ADGRB3: variants seen among roughly 807,000 people sequenced by gnomAD.
ADGRB3 encodes the protein brain-specific angiogenesis inhibitor 3.
A neutral mutation model predicts 193.4 loss-of-function variants in ADGRB3; 37 were observed. The ratio of observed to expected loss-of-function variants is 0.19; its 90% CI spans 0.15 to 0.25. ADGRB3 has a LOEUF of 0.25. Ranked by LOEUF, ADGRB3 falls within the 10% of genes least tolerant of loss-of-function variation. ADGRB3 has a pLI of 1.00. For synonymous variants in ADGRB3, 690 were observed against 644.2 expected (o/e 1.07, Z -1.08); for missense variants, 1,637 against 1,852.9 (o/e 0.88, Z 2.14).
intron 17 of ADGRB3, among the ~76,000 whole-genome samples, chr6:69,196,202 T>C (rs770011360): frequency 6.6e-6 from 1 of 152,154 alleles, no homozygotes; most frequent in Admixed American, 6.6e-5. Context: ...CATAAAGTCA[T>C]ATATTTTTAC....
intron 6 of ADGRB3, among the ~76,000 whole-genome samples, chr6:68,948,082 A>G (rs1402624585): frequency 6.6e-6 from 1 of 152,150 alleles, no homozygotes; most frequent in African/African-American, 2.4e-5. Flanking sequence ...CTATGGTTGG[A>G]TAATAAACCT....
intron 3 of ADGRB3, among the ~76,000 whole-genome samples, chr6:68,749,719 A>G (rs1337023899): frequency 6.6e-6 from 1 of 152,140 alleles, no homozygotes; most frequent in Non-Finnish European, 1.5e-5. Flanking sequence ...GTTGCAGGAT[A>G]CACTTAAAAA....
intron 17 of ADGRB3, among the ~76,000 whole-genome samples, chr6:69,134,502 C>A (rs1741007300): frequency 6.6e-6 from 1 of 152,044 alleles, no homozygotes; most frequent in South Asian, 2.1e-4. Context: ...CATAGCACTT[C>A]ATATCTCATA....
At chr6:68,677,082 A>T (rs1273610248) in intron 3 of ADGRB3, among the ~76,000 whole-genome samples, 1 of 152,218 alleles carries the variant, frequency 6.6e-6, no homozygotes, top group Non-Finnish European at 1.5e-5. Context: ...AGAGATATAC[A>T]TAAAGAGTAA....
chr6:68,863,870 C>T (rs494222), intron 3 of ADGRB3, among the ~76,000 whole-genome samples: 67,906 of 151,750 alleles, frequency 0.45, 16,510 homozygotes, highest in East Asian at 0.6. Context: ...CAATTAATAT[C>T]CCGGGGATAT....
chr6:68,993,853 A>G lies in ADGRB3; in HGVS notation c.1820A>G (p.Gln607Arg), dbSNP rs1348947635. The G allele has an allele frequency of 6.2e-7, 1 of 1,614,064 alleles. No homozygotes were observed. The highest frequency in any genetic ancestry group is 1.7e-5 in the Admixed American group (1 of 60,024). ...QVTKTLLDLT[Q>R]RKNFYAGDLL... Reference sequence around the variant, plus strand: ...ACCAAGACACTGTTGGATTTAACTCAGAGAAAAAATTTCTATGCAGGCGAT... The same window carrying G: ...ACCAAGACACTGTTGGATTTAACTCGGAGAAAAAATTTCTATGCAGGCGAT... Residue 607 changes from glutamine (Q) to arginine (R), a missense_variant, in exon 11 of 32, where the codon CAG becomes CGG. Around this residue, in one of 7 missense-constraint regions of ADGRB3, gnomAD observed 641 missense variants for 673.9 expected, o/e 0.95. Coordinates refer to ENST00000370598, the MANE Select transcript of ADGRB3 (RefSeq NM_001704.3).
In ADGRB3 at chr6:69,249,739, A is replaced by G. The variant is rs1766580681; in HGVS notation, c.2814+10513A>G. On this transcript the variant is annotated intron_variant, in intron 20 of 31. Transcript: ENST00000370598. ...ATTGCTATGGCAAATCTTGGAACTA[A>G]AGTCCAAACACTAATGCCTATAATA... is the stretch of plus-strand genomic sequence containing the variant. 2.6e-5 allele frequency among the ~76,000 whole-genome samples: 4 copies of G among 152,280 alleles called. No individual in the cohort carries two copies. In the South Asian group the frequency reaches 6.2e-4, roughly 24 times the overall value.
intron 3 of ADGRB3, among the ~76,000 whole-genome samples, chr6:68,856,306 C>T (rs1175324946): frequency 1.3e-5 from 2 of 152,148 alleles, no homozygotes. Context: ...GACTTTGGAA[C>T]TGGGTAACAG....
At chr6:69,349,671 G>T (rs1163779286) in intron 26 of ADGRB3, among the ~76,000 whole-genome samples, 2 of 152,042 alleles carry the variant, frequency 1.3e-5, no homozygotes, top group Non-Finnish European at 2.9e-5. Flanking sequence ...GTAGAAATGA[G>T]ATTCAAAAAA....
chr6:69,376,311 C>A (rs1014347151), intron 30 of ADGRB3, among the ~76,000 whole-genome samples: 4 of 151,612 alleles, frequency 2.6e-5, no homozygotes, highest in African/African-American at 7.3e-5. Flanking sequence ...TTGCCCAGGC[C>A]AGTCTCGAAC....
chr6:69,162,676 C>A (rs1161819657), intron 17 of ADGRB3, among the ~76,000 whole-genome samples: 1 of 151,934 alleles, frequency 6.6e-6, no homozygotes, highest in Non-Finnish European at 1.5e-5. Context: ...CAAAATGATG[C>A]AACATTTTAT....
intron 11 of ADGRB3, among the ~76,000 whole-genome samples, chr6:69,007,291 A>G (rs1415894120): frequency 2.0e-5 from 3 of 151,838 alleles, no homozygotes; most frequent in African/African-American, 4.8e-5. Context: ...TTTTACTCTT[A>G]CTCTCCTATA....
chr6:68,807,922 T>C (rs1767437806), intron 3 of ADGRB3, among the ~76,000 whole-genome samples: 1 of 152,094 alleles, frequency 6.6e-6, no homozygotes, highest in Admixed American at 6.5e-5. Flanking sequence ...TCCCATTTGG[T>C]TTTCCTAACT....
rs1561992245 is a variant in ADGRB3 at position 69,339,351 on chromosome 6, C to T, written c.3306C>T (p.Ser1102=). Residue 1102 remains serine, a synonymous_variant, in exon 26 of 32, where the codon TCC becomes TCT. Transcript: ENST00000370598. ...TCAACAGGGCGTCTCTTTGGAGCTC[C>T]TGTGTGGTGTTGCCCCTTCTGGCTT... The part of the protein sequence containing the change: ...ASNAMASLWS[S]CVVLPLLALT... 1.2e-6 allele frequency: 2 copies of T among 1,613,906 alleles called. No individual in the cohort carries two copies. Among genetic ancestry groups the T allele is most frequent in the Non-Finnish European group, 1.7e-6 (2 of 1,179,870 alleles).
intron 20 of ADGRB3, among the ~76,000 whole-genome samples, chr6:69,299,490 A>G (rs1767905403): frequency 6.6e-6 from 1 of 151,758 alleles, no homozygotes; most frequent in Non-Finnish European, 1.5e-5. Context: ...ACCCAGAGCA[A>G]TGTCCAGTAG....
chr6:68,883,768 A>G (rs898775118), intron 3 of ADGRB3, among the ~76,000 whole-genome samples: 2 of 152,216 alleles, frequency 1.3e-5, no homozygotes, highest in Non-Finnish European at 2.9e-5. Flanking sequence ...TCACCTTTAT[A>G]GAACTGTAAC....
chr6:68,936,761 A>G, intron 5 of ADGRB3, 81 bp downstream of exon 5: 1 of 1,440,458 alleles, frequency 6.9e-7, no homozygotes, highest in Middle Eastern at 2.5e-4. Flanking sequence ...TTATTTTCAT[A>G]TGAAACGGGT....
chr6:69,208,742 G>T (rs1179808831), intron 17 of ADGRB3, among the ~76,000 whole-genome samples: 1 of 152,196 alleles, frequency 6.6e-6, no homozygotes, highest in Non-Finnish European at 1.5e-5. Flanking sequence ...GGCCATTTGA[G>T]AAACTTCTTC....
At chr6:68,712,664 A>G (rs1459791083) in intron 3 of ADGRB3, among the ~76,000 whole-genome samples, 1 of 151,868 alleles carries the variant, frequency 6.6e-6, no homozygotes, top group Non-Finnish European at 1.5e-5. Context: ...AATATGAGAG[A>G]GGGGTTTGGT....
Sources: gnomAD v4.1 joint callset for allele counts (sites outside exome capture counted in the v4.1 genomes callset) on GRCh38, gnomAD v4.1.1 for gene constraint, gnomAD v4.1.1 regional missense constraint, MANE v1.5 for transcripts, NCBI Gene and HGNC (gene_info 2026-07-23, HGNC 2026-07-21) for gene names.